BCL7C: variants seen among roughly 807,000 people sequenced by gnomAD.
BCL7C encodes the protein B-cell CLL/lymphoma 7 protein family member C.
Under a neutral mutation model 26.2 loss-of-function variants are expected in BCL7C, and 8 were observed. The ratio of observed to expected loss-of-function variants is 0.30; its 90% CI spans 0.18 to 0.55. The LOEUF is 0.55. Ranked by LOEUF, BCL7C falls within the 20% of genes least tolerant of loss-of-function variation. The probability of loss-of-function intolerance (pLI) is 0.93; values close to 1 mark genes in which losing one functional copy is unlikely to be tolerated. For synonymous variants in BCL7C, 90 were observed against 116.5 expected (o/e 0.77, Z 1.47); for missense variants, 262 against 298.5 (o/e 0.88, Z 0.90).
chr16:30,848,366 C>T (rs186983317), intron 5 of BCL7C, among the ~76,000 whole-genome samples: 312 of 152,224 alleles, frequency 2.0e-3, no homozygotes, highest in Non-Finnish European at 3.0e-3. Flanking sequence ...AGGAAATGCA[C>T]CATTGAGGTG....
chr16:30,890,676 T>C (rs552481094), intron 4 of BCL7C, among the ~76,000 whole-genome samples: 1 of 149,354 alleles, frequency 6.7e-6, no homozygotes, highest in South Asian at 2.1e-4. Context: ...ATGGTGAAAC[T>C]CCATCTTTAC....
intron 5 of BCL7C, among the ~76,000 whole-genome samples, chr16:30,855,745 C>T (rs987246827): frequency 2.0e-5 from 3 of 151,916 alleles, no homozygotes; most frequent in Non-Finnish European, 2.9e-5. Flanking sequence ...GGCAACATAG[C>T]GAGCCCCTGT....
chr16:30,871,423 A>G (rs1217627731), intron 5 of BCL7C, among the ~76,000 whole-genome samples: 1 of 152,084 alleles, frequency 6.6e-6, no homozygotes, highest in Non-Finnish European at 1.5e-5. Flanking sequence ...TACCTCACTA[A>G]GTTATTGAAA....
At chr16:30,835,116 A>G (rs2151357657) in exon 6 of BCL7C, 1 of 1,531,316 alleles carries the variant, frequency 6.5e-7, no homozygotes. Flanking sequence ...CCTTCTCGTG[A>G]AGGGCTCTCC....
chr16:30,851,136 C>A (rs1596586869), intron 5 of BCL7C: 1 of 258,690 alleles, frequency 3.9e-6, no homozygotes, highest in South Asian at 4.5e-5. Flanking sequence ...CCTACTGGTT[C>A]GTTTTCCCTG....
At chr16:30,891,756 C>T (rs1268378310) in intron 4 of BCL7C, among the ~76,000 whole-genome samples, 3 of 151,748 alleles carry the variant, frequency 2.0e-5, no homozygotes, top group Non-Finnish European at 4.4e-5. Flanking sequence ...TTTCAGGCCA[C>T]GAGTTCAAAA....
intron 5 of BCL7C, among the ~76,000 whole-genome samples, chr16:30,874,077 C>CCT (rs2054909700): frequency 6.7e-6 from 1 of 148,638 alleles, no homozygotes; most frequent in Non-Finnish European, 1.5e-5. Flanking sequence ...CTCACTGCAA[C>CCT]CTCTGCCTCC....
intron 5 of BCL7C, among the ~76,000 whole-genome samples, chr16:30,838,655 C>A (rs1373593924): frequency 6.6e-6 from 1 of 152,186 alleles, no homozygotes; most frequent in Non-Finnish European, 1.5e-5. Flanking sequence ...GGATTGGTGG[C>A]AGTCACCTGT....
At chr16:30,858,575 C>G (rs2054743870) in intron 5 of BCL7C, among the ~76,000 whole-genome samples, 1 of 152,120 alleles carries the variant, frequency 6.6e-6, no homozygotes, top group Non-Finnish European at 1.5e-5. Flanking sequence ...GTTCACAGAC[C>G]CATCCTGTGG....
chr16:30,865,508 T>C (rs1212132371), intron 5 of BCL7C, among the ~76,000 whole-genome samples: 1 of 151,982 alleles, frequency 6.6e-6, no homozygotes, highest in Non-Finnish European at 1.5e-5. Context: ...AGCTCTGGAG[T>C]TTGAGGTTGC....
intron 5 of BCL7C, among the ~76,000 whole-genome samples, chr16:30,839,609 A>T (rs2054589631): frequency 1.3e-5 from 2 of 152,240 alleles, no homozygotes; most frequent in Admixed American, 1.3e-4. Flanking sequence ...GGAGGCAGCC[A>T]TGTGCTGAGG....
chr16:30,846,869 C>T (rs760400322), intron 5 of BCL7C, among the ~76,000 whole-genome samples: 1 of 152,226 alleles, frequency 6.6e-6, no homozygotes, highest in South Asian at 2.1e-4. Context: ...CAGCTAGTGA[C>T]GCTGTCACGT....
intron 5 of BCL7C, among the ~76,000 whole-genome samples, chr16:30,880,962 A>G (rs2055034081): frequency 6.6e-6 from 1 of 152,240 alleles, no homozygotes; most frequent in East Asian, 1.9e-4. Flanking sequence ...TTGGCCTCCC[A>G]GTGAGCCACC....
chr16:30,837,897 C>A (rs2054579214), intron 5 of BCL7C, among the ~76,000 whole-genome samples: 1 of 152,196 alleles, frequency 6.6e-6, no homozygotes, highest in Admixed American at 6.5e-5. Flanking sequence ...TAATGGTGAA[C>A]AATGCAGGGC....
Position 30,893,032 on chromosome 16 carries a change from G to T in BCL7C, c.172-84C>A. On this transcript the variant is annotated intron_variant, in intron 2 of 5. Coordinates refer to ENST00000215115, the MANE Select transcript of BCL7C (RefSeq NM_004765.4). This position sits in a 1 kb window ranked among gnomAD's most constrained non-coding sequence, Gnocchi z 5.2. The stretch of plus-strand genomic sequence containing the variant: ...AACTGAGGCACTGAGAAGCAAAAGG[G>T]CTCAAACTCAGGGGGTGTGGAGCAG... 7.2e-7 allele frequency: 1 copy of T among 1,382,866 alleles called. No homozygotes were observed. The highest frequency in any genetic ancestry group is 1.0e-6 in the Non-Finnish European group (1 of 996,042). The allele number at this position is 1,382,866 out of a possible 1,614,324, so 85.7% of individuals were successfully genotyped here.
chr16:30,866,422 C>G (rs1460407329), intron 5 of BCL7C, among the ~76,000 whole-genome samples: 1 of 151,796 alleles, frequency 6.6e-6, no homozygotes, highest in Non-Finnish European at 1.5e-5. Context: ...ACTAAAAATA[C>G]AAAAATTAGC....
rs763023040 is a variant in BCL7C, at chr16:30,892,751, C to T, written c.281-4G>A. On this transcript the variant is annotated splice_polypyrimidine_tract_variant and splice_region_variant and intron_variant, in intron 3 of 5. Transcript: ENST00000215115. ...AAACTCTGGTTGCTGTTCTCATCTG[C>T]GGGAGCAAGAGCCGAGATGGTTGGC... The T allele has an allele frequency of 1.7e-5, 28 of 1,614,006 alleles. No individual in the cohort carries two copies. The highest frequency in any genetic ancestry group is 1.6e-4 in the Middle Eastern group (1 of 6,084).
At chr16:30,877,508 C>G (rs1162057988) in intron 5 of BCL7C, among the ~76,000 whole-genome samples, 1 of 150,892 alleles carries the variant, frequency 6.6e-6, no homozygotes, top group African/African-American at 2.4e-5. Context: ...GGCACTATCT[C>G]GGCTCACTGC....
chr16:30,848,538 A>T (rs1297029041), intron 5 of BCL7C, among the ~76,000 whole-genome samples: 2 of 152,028 alleles, frequency 1.3e-5, no homozygotes, highest in Non-Finnish European at 2.9e-5. Flanking sequence ...TGGGCAGTGT[A>T]CTCCAATATT....
Sources: allele counts gnomAD v4.1 joint callset (sites outside exome capture counted in the v4.1 genomes callset), GRCh38; gene constraint gnomAD v4.1.1; non-coding constraint Gnocchi (gnomAD v3.1); transcripts MANE v1.5; gene names NCBI Gene and HGNC (gene_info 2026-07-23, HGNC 2026-07-21).